The following PCK1 variants were observed in gnomAD, a reference collection of about 807,000 sequenced individuals.
The protein encoded by PCK1 is phosphoenolpyruvate carboxykinase, cytosolic [GTP].
Under a neutral mutation model 50.3 loss-of-function variants are expected in PCK1, and 44 were observed. The observed-to-expected ratio is 0.87, with a 90% confidence interval of 0.69 to 1.12. The LOEUF is 1.12. Ranked by LOEUF, PCK1 falls within the 50% of genes most tolerant of loss-of-function variation. PCK1 has a pLI of 0.00. For missense variants in PCK1, 790 were observed against 815.0 expected (o/e 0.97, Z 0.37); for synonymous variants, 332 against 314.3 (o/e 1.06, Z -0.59).
In PCK1 at chr20:57,562,140, G is replaced by A. The variant is rs761353808; in HGVS notation, c.294G>A (p.Glu98=). 3.2e-5 allele frequency: 51 copies of A among 1,614,132 alleles called. No homozygotes were observed. The Middle Eastern group carries it at 4.9e-4, about 16-fold the overall frequency. The stretch of plus-strand genomic sequence containing the variant: ...GCAAGACGGTTATCGTCACCCAAGA[G>A]CAAAGAGACACAGTGCCCATCCCCA... ...IESKTVIVTQ[E]QRDTVPIPKT... The change falls in exon 3 of 10, where the codon GAG becomes GAA. Residue 98 remains glutamate (E), a synonymous_variant. Transcript: ENST00000319441.
chr20:57,566,127 G>T lies in PCK1; in HGVS notation c.*323G>T. 2 of 290,888 alleles carry T rather than the reference G, an allele frequency of 6.9e-6. No homozygotes were observed. Among genetic ancestry groups the T allele is most frequent in the African/African-American group, 2.2e-5 (1 of 45,664 alleles). 18.0% of individuals were successfully genotyped at this position (290,888 alleles called of 1,614,324 possible). A position where few individuals can be genotyped will look rare whatever the true frequency, so the allele number is the denominator to read the frequency against. The stretch of plus-strand genomic sequence containing the variant: ...TTTAGCTATGTGGATTAGCTAGAAT[G>T]CACACCAAAAAAATACTTGAGCTGT... On this transcript the variant is annotated 3_prime_UTR_variant, in exon 10 of 10. Coordinates refer to ENST00000319441, the MANE Select transcript of PCK1 (RefSeq NM_002591.4).
chr20:57,563,164 G>A lies in PCK1; in HGVS notation c.747G>A (p.Arg249=), dbSNP rs377356631. 7.1e-5 allele frequency: 114 copies of A among 1,613,702 alleles called. No individual in the cohort carries two copies. The highest frequency in any genetic ancestry group is 1.7e-5 in the Non-Finnish European group (20 of 1,180,040). Residue 249 remains arginine, a synonymous_variant, in exon 5 of 10, where the codon AGG becomes AGA. Coordinates refer to ENST00000319441, the MANE Select transcript of PCK1 (RefSeq NM_002591.4). ...TCGGGAAGAAGTGCTTTGCTCTCAG[G>A]ATGGCCAGCCGGCTGGCCAAGGAGG... The part of the protein sequence containing the change: ...SLLGKKCFAL[R]MASRLAKEEG...
rs893130686 is a variant in PCK1 at position 57,565,707 on chromosome 20, A to C, written c.1772A>C (p.Asp591Ala). Residue 591 changes from aspartate to alanine, a missense_variant, in exon 10 of 10, where the codon GAC becomes GCC. Coordinates refer to ENST00000319441, the MANE Select transcript of PCK1 (RefSeq NM_002591.4). ...GAATTCTGGGAGAAGGAGGTGGAAG[A>C]CATCGAGAAGTATCTGGAGGATCAA... ...SKEFWEKEVE[D>A]IEKYLEDQVN... 10 of 1,613,748 alleles carry C rather than the reference A, an allele frequency of 6.2e-6. No homozygotes were observed. The African/African-American group carries it at 1.3e-4, about 22-fold the overall frequency.
At chr20:57,562,379 T>A (rs1600706471) in intron 3 of PCK1, 127 bp downstream of exon 3, 3 of 800,706 alleles carry the variant, frequency 3.7e-6, no homozygotes, top group Non-Finnish European at 5.9e-6. Flanking sequence ...GTTCCATACA[T>A]GAAGTTGGCA....
Position 57,566,083 on chromosome 20 carries a change from C to G in PCK1, c.*279C>G, listed in dbSNP as rs1483778836. ...AATTTAAGGTTACTCAGGCATTGAT[C>G]TTTTCAGTGTTTTTTCACTTTAGCT... On this transcript the variant is annotated 3_prime_UTR_variant, in exon 10 of 10. Coordinates refer to ENST00000319441, the MANE Select transcript of PCK1 (RefSeq NM_002591.4). 1 of 387,398 alleles carries G rather than the reference C, an allele frequency of 2.6e-6. No homozygotes were observed. Among genetic ancestry groups the G allele is most frequent in the Non-Finnish European group, 4.7e-6 (1 of 214,466 alleles). The allele number at this position is 387,398 out of a possible 1,614,324, so 24.0% of individuals were successfully genotyped here.
chr20:57,563,522 A>G (rs1600707393), intron 5 of PCK1, 43 bp from the exon 6 acceptor site: 2 of 1,428,256 alleles, frequency 1.4e-6, no homozygotes, highest in East Asian at 4.6e-5. Context: ...AACCTCGGGG[A>G]GAAGGAAACA....
chr20:57,561,260 TCCTGAGAG>T, intron 1 of PCK1, 57 bp downstream of exon 1: 1 of 588,334 alleles, frequency 1.7e-6, no homozygotes, highest in Non-Finnish European at 3.0e-6. Flanking sequence ...CTCATTTTTT[TCCTGAGAG>T]CAATAACTAT....
At position 57,563,672 on chromosome 20, in the gene PCK1, G is replaced by A; in HGVS notation, c.906G>A (p.Gly302=). ...CCATGATGAACCCCAGCCTCCCCGG[G>A]TGGAAGGTTGAGTGCGTCGGGGATG... ...NLAMMNPSLP[G]WKVECVGDDI... The change falls in exon 6 of 10, where the codon GGG becomes GGA. Residue 302 remains glycine (G), a synonymous_variant. Transcript: ENST00000319441. The A allele has an allele frequency of 6.2e-7, 1 of 1,613,876 alleles. No homozygotes were observed. The highest frequency in any genetic ancestry group is 8.5e-7 in the Non-Finnish European group (1 of 1,179,824).
rs779245706 is a variant in PCK1 at position 57,563,669 on chromosome 20, C to T, written c.903C>T (p.Pro301=). ...TNLAMMNPSL[P]GWKVECVGDD... is the part of the protein sequence containing the mutation. ...TGGCCATGATGAACCCCAGCCTCCC[C>T]GGGTGGAAGGTTGAGTGCGTCGGGG... Residue 301 remains proline, a synonymous_variant, in exon 6 of 10, where the codon CCC becomes CCT. Transcript: ENST00000319441. 124 of 1,613,534 alleles carry T rather than the reference C, an allele frequency of 7.7e-5. 2 individuals carry two copies. Among genetic ancestry groups the T allele is most frequent in the South Asian group, 6.2e-4 (56 of 91,048 alleles).
intron 2 of PCK1, 31 bp downstream of exon 2, chr20:57,561,666 A>G (rs1160461243): frequency 6.8e-7 from 1 of 1,468,474 alleles, no homozygotes; most frequent in Non-Finnish European, 9.5e-7. Context: ...CTGTCCCAGC[A>G]CCCTGCAGGC....
Position 57,566,133 on chromosome 20 carries a change from CA to C in PCK1, c.*336del. The C allele has an allele frequency of 3.7e-6, 1 of 270,564 alleles. No individual in the cohort carries two copies. The highest frequency in any genetic ancestry group is 6.9e-6 in the Non-Finnish European group (1 of 144,194). 16.8% of individuals were successfully genotyped at this position (270,564 alleles called of 1,614,324 possible). On this transcript the variant is annotated 3_prime_UTR_variant, in exon 10 of 10. Coordinates refer to ENST00000319441, the MANE Select transcript of PCK1 (RefSeq NM_002591.4). ...TATGTGGATTAGCTAGAATGCACAC[CA>C]AAAAAATACTTGAGCTGTATATATA...
intron 8 of PCK1, 145 bp downstream of exon 8, chr20:57,564,758 T>C: frequency 1.3e-6 from 1 of 762,696 alleles, no homozygotes; most frequent in Non-Finnish European, 2.1e-6. Context: ...TCCAGAATAA[T>C]TGGCAAGTTC....
At position 57,567,591 on chromosome 20, in the gene PCK1, C is replaced by T. The variant is rs1245857267; in HGVS notation, c.*1787C>T. Reference sequence around the variant, plus strand: ...GAACACGTTCTTGACATGTACTTGACTCAGAGTCCCATGTCTAAAGGAGAC... The same window carrying T: ...GAACACGTTCTTGACATGTACTTGATTCAGAGTCCCATGTCTAAAGGAGAC... On this transcript the variant is annotated 3_prime_UTR_variant, in exon 10 of 10. Transcript: ENST00000319441. 1.3e-5 allele frequency: 2 copies of T among 152,242 alleles called. No homozygotes were observed. The highest frequency in any genetic ancestry group is 2.9e-5 in the Non-Finnish European group (2 of 68,048). 9.4% of individuals were successfully genotyped at this position (152,242 alleles called of 1,614,324 possible).
Position 57,563,619 on chromosome 20 carries a change from C to T in PCK1, c.853C>T (p.Pro285Ser), listed in dbSNP as rs2146528816. Residue 285 changes from proline to serine, a missense_variant, in exon 6 of 10, where the codon CCC (proline) becomes TCC (serine). By Grantham distance (74) the Pro-to-Ser change is moderately conservative. Transcript: ENST00000319441. ...GAAGAAGTACCTGGCGGCCGCATTT[C>T]CCAGCGCCTGCGGGAAGACCAACCT... The part of the protein sequence containing the change: ...GEKKYLAAAF[P>S]SACGKTNLAM... 2 of 1,612,894 alleles carry T rather than the reference C, an allele frequency of 1.2e-6. No homozygotes were observed. The highest frequency in any genetic ancestry group is 1.7e-6 in the Non-Finnish European group (2 of 1,178,920).
Position 57,561,962 on chromosome 20 carries a change from CTGT to C in PCK1, c.225-104_225-102del, listed in dbSNP as rs963498944. The C allele has an allele frequency of 2.1e-5, 17 of 816,696 alleles. No homozygotes were observed. The African/African-American group carries it at 2.7e-4, about 13-fold the overall frequency. The allele number at this position is 816,696 out of a possible 1,614,324, so 50.6% of individuals were successfully genotyped here. ...TGGTCTGTGTGTTCACACTGATGGACTGTTGTTAGCGTGCTCAGCACTCTGCTA... is the reference window on the plus strand; with the variant it reads ...TGGTCTGTGTGTTCACACTGATGGACTGTTAGCGTGCTCAGCACTCTGCTA... On this transcript the variant is annotated intron_variant, in intron 2 of 9. Coordinates refer to ENST00000319441, the MANE Select transcript of PCK1 (RefSeq NM_002591.4).
In PCK1 at chr20:57,564,378, T is replaced by A. The variant is rs779335003; in HGVS notation, c.1171T>A (p.Trp391Arg). 4 of 1,613,690 alleles carry A rather than the reference T, an allele frequency of 2.5e-6. No homozygotes were observed. In the African/African-American group the frequency reaches 5.3e-5, roughly 22 times the overall value. ...VTITSWKNKEWSSEDGEPCAH... is the reference protein window; with the variant it reads ...VTITSWKNKERSSEDGEPCAH... ...CATCACGTCCTGGAAGAATAAGGAG[T>A]GGAGCTCAGAGGATGGTGTGTCCCT... The change falls in exon 7 of 10, where the codon TGG becomes AGG. Residue 391 changes from tryptophan to arginine, a missense_variant. Trp to Arg is a moderately radical substitution (Grantham distance 101). Coordinates refer to ENST00000319441, the MANE Select transcript of PCK1 (RefSeq NM_002591.4).
intron 6 of PCK1, 44 bp downstream of exon 6, chr20:57,563,771 C>T (rs753460370): frequency 1.8e-5 from 27 of 1,495,152 alleles, no homozygotes; most frequent in Middle Eastern, 1.8e-4. Flanking sequence ...TGGACTCAAG[C>T]GAATCGTTGG....
chr20:57,561,405 T>G lies in PCK1; in HGVS notation c.-7T>G, dbSNP rs1345626012. On this transcript the variant is annotated 5_prime_UTR_variant, in exon 2 of 10. Coordinates refer to ENST00000319441, the MANE Select transcript of PCK1 (RefSeq NM_002591.4). ...ACATTCGTGCCCCTTAGCAGCACTCTGCAGAAATGCCTCCTCAGCTGCAAA... is the reference window on the plus strand; with the variant it reads ...ACATTCGTGCCCCTTAGCAGCACTCGGCAGAAATGCCTCCTCAGCTGCAAA... 2 of 1,605,072 alleles carry G rather than the reference T, an allele frequency of 1.2e-6. No homozygotes were observed. The highest frequency in any genetic ancestry group is 2.2e-5 in the South Asian group (2 of 90,836).
chr20:57,561,973 G>A (rs2070148461), intron 2 of PCK1, 98 bp from the exon 3 acceptor site: 7 of 922,648 alleles, frequency 7.6e-6, no homozygotes, highest in East Asian at 2.5e-5. Context: ...TGTTGTTAGC[G>A]TGCTCAGCAC....
Sources: gnomAD v4.1 joint callset for allele counts on GRCh38, gnomAD v4.1.1 for gene constraint, MANE v1.5 for transcripts, NCBI Gene and HGNC (gene_info 2026-07-23, HGNC 2026-07-21) for gene names.